The following PDE4C variants were observed in gnomAD, a reference collection of about 807,000 sequenced individuals.
The protein encoded by PDE4C is 3',5'-cyclic-AMP phosphodiesterase 4C.
A neutral mutation model predicts 63.9 loss-of-function variants in PDE4C; 50 were observed. That is an observed-to-expected ratio of 0.78 (90% CI 0.62 to 0.99). The LOEUF (loss-of-function observed/expected upper bound fraction) is 0.99. PDE4C is among the 50% of genes least tolerant of loss of function. The probability of loss-of-function intolerance (pLI) is 0.00; values close to 1 mark genes in which losing one functional copy is unlikely to be tolerated. For synonymous variants in PDE4C, 377 were observed against 385.1 expected, an observed-to-expected ratio of 0.98 and a Z score of 0.25; for missense variants, 777 against 899.1, an observed-to-expected ratio of 0.86 and a Z score of 1.74.
exon 10 of PDE4C, chr19:18,218,371 T>G (rs761441597): frequency 2.5e-6 from 4 of 1,614,244 alleles, no homozygotes; most frequent in Non-Finnish European, 3.4e-6. Context: ...ATGCGTGGAC[T>G]GGGCCACGTC....
At chr19:18,213,630 C>A in intron 12 of PDE4C, 140 bp from the exon 13 acceptor site, 1 of 947,216 alleles carries the variant, frequency 1.1e-6, no homozygotes. Flanking sequence ...AAGGATGCAA[C>A]TGCATTCACT....
upstream of PDE4C, among the ~76,000 whole-genome samples, chr19:18,230,887 C>A (rs540139411): frequency 6.6e-6 from 1 of 152,294 alleles, no homozygotes; most frequent in Admixed American, 6.5e-5. Flanking sequence ...CAACACAGGG[C>A]CTGCCACCCA....
At chr19:18,219,721 G>T in intron 7 of PDE4C, 1 of 260,320 alleles carries the variant, frequency 3.8e-6, no homozygotes, top group Non-Finnish European at 7.4e-6. Context: ...CTACTCAGGA[G>T]GCTGAGGTGG....
At chr19:18,224,205 A>C (rs973744638) in intron 1 of PDE4C, 9 of 985,448 alleles carry the variant, frequency 9.1e-6, no homozygotes, top group Non-Finnish European at 1.1e-5. Flanking sequence ...GGCGTAGGGC[A>C]AGAACTGGGG....
intron 1 of PDE4C, among the ~76,000 whole-genome samples, chr19:18,242,386 T>C (rs1291178173): frequency 7.0e-6 from 1 of 143,124 alleles, no homozygotes; most frequent in Non-Finnish European, 1.5e-5. Flanking sequence ...TGAGGGAAGA[T>C]AATTGTTTAT....
In PDE4C at chr19:18,220,875, T is replaced by G. The variant is rs774492181; in HGVS notation, c.498A>C (p.Ala166=). 6.2e-7 allele frequency: 1 copy of G among 1,608,298 alleles called. No individual in the cohort carries two copies. The highest frequency in any genetic ancestry group is 1.7e-5 in the Admixed American group (1 of 58,934). Residue 166 remains alanine, a splice_region_variant and synonymous_variant, in exon 5 of 15, where the codon GCA becomes GCC. Transcript: ENST00000262805. The surrounding 1 kb of genome is among the most constrained non-coding windows in gnomAD (Gnocchi z 5.1). ...GGAGGGAAGGAACAGGTACTTTACC[T>G]GCAGGAGGGAGCTGATTGCTGGATG...
chr19:18,227,014 A>G (rs1205931938), upstream of PDE4C, among the ~76,000 whole-genome samples: 1 of 152,064 alleles, frequency 6.6e-6, no homozygotes, highest in Non-Finnish European at 1.5e-5. Flanking sequence ...AATAACTGCT[A>G]AAAAGTGTAG....
rs184973874 is a variant in PDE4C at position 18,213,262 on chromosome 19, C to G, written c.1512+106G>C. The G allele has an allele frequency of 1.5e-5, 15 of 1,030,482 alleles. No individual in the cohort carries two copies. In the African/African-American group the frequency reaches 1.5e-4, roughly 10 times the overall value. 63.8% of individuals were successfully genotyped at this position (1,030,482 alleles called of 1,614,324 possible). A position where few individuals can be genotyped will look rare whatever the true frequency, so the allele number is the denominator to read the frequency against. On this transcript the variant is annotated intron_variant, in intron 13 of 14. Transcript: ENST00000262805. ...TGGCGCCACTGCACTCCAGCCTGGG[C>G]GACAGAGTGAGACTCCGTCTCAATA... is the stretch of plus-strand genomic sequence containing the variant.
intron 1 of PDE4C, among the ~76,000 whole-genome samples, chr19:18,241,252 CTTGTTTTTTTTTT>C (rs1161378188): frequency 4.4e-5 from 5 of 114,488 alleles, no homozygotes; most frequent in Non-Finnish European, 8.7e-5. Context: ...TTTTTCTTCT[CTTGTTTTTTTTTT>C]TTTTTTTTTT....
chr19:18,215,826 C>A (rs989876377), intron 12 of PDE4C, among the ~76,000 whole-genome samples: 2 of 140,922 alleles, frequency 1.4e-5, no homozygotes, highest in African/African-American at 5.2e-5. Context: ...TAATTTTTTT[C>A]TTTTCTTTTT....
At chr19:18,224,069 C>T (rs1257022486) in intron 1 of PDE4C, among the ~76,000 whole-genome samples, 1 of 152,236 alleles carries the variant, frequency 6.6e-6, no homozygotes, top group African/African-American at 2.4e-5. Flanking sequence ...ACCTCCGGGT[C>T]TTTGCACAGG....
chr19:18,213,891 T>C (rs1245415236), intron 12 of PDE4C, among the ~76,000 whole-genome samples: 1 of 152,192 alleles, frequency 6.6e-6, no homozygotes, highest in East Asian at 1.9e-4. Context: ...CCTCCAGATC[T>C]TTAGCCACGT....
In PDE4C at chr19:18,220,532, T is replaced by G. The variant is rs768344205; in HGVS notation, c.500-17A>C. The G allele has an allele frequency of 6.4e-7, 1 of 1,569,928 alleles. No individual in the cohort carries two copies. The highest frequency in any genetic ancestry group is 1.5e-5 in the African/African-American group (1 of 67,372). The stretch of plus-strand genomic sequence containing the variant: ...CCGTGTCCTCTGGGAGCCGAGGCAG[T>G]CAGGGGCCTGCCCAACCCCCCCGCT... On this transcript the variant is annotated splice_polypyrimidine_tract_variant and intron_variant, in intron 5 of 14. Coordinates refer to ENST00000262805, the Ensembl canonical transcript of PDE4C. This position sits in a 1 kb window ranked among gnomAD's most constrained non-coding sequence, Gnocchi z 5.1.
rs867109439 is a variant in PDE4C, at chr19:18,226,442, G to C, written c.-27C>G. The C allele has an allele frequency of 5.8e-6, 8 of 1,368,254 alleles. No individual in the cohort carries two copies. In the African/African-American group the frequency reaches 6.2e-5, roughly 11 times the overall value. The allele number at this position is 1,368,254 out of a possible 1,614,324, so 84.8% of individuals were successfully genotyped here. A position where few individuals can be genotyped will look rare whatever the true frequency, so the allele number is the denominator to read the frequency against. On this transcript the variant is annotated 5_prime_UTR_variant, in exon 1 of 15. Transcript: ENST00000262805. ...GCCAGGACTGCGTGGAGGCTGGACC[G>C]AGCGCCGGCTGCGCGGGACCTTTTC...
chr19:18,229,700 G>C (rs1325669855), upstream of PDE4C, among the ~76,000 whole-genome samples: 1 of 152,004 alleles, frequency 6.6e-6, no homozygotes, highest in African/African-American at 2.4e-5. Flanking sequence ...CGTGGAGAGG[G>C]GAGATGACTT....
At chr19:18,232,509 C>T (rs768156933) in intron 1 of PDE4C, among the ~76,000 whole-genome samples, 3 of 151,852 alleles carry the variant, frequency 2.0e-5, no homozygotes, top group Non-Finnish European at 2.9e-5. Flanking sequence ...TCCACAACCC[C>T]GAAAACCTTC....
chr19:18,226,338 G>A lies in PDE4C; in HGVS notation c.78C>T (p.Leu26=), dbSNP rs543223464. 81 of 1,533,134 alleles carry A rather than the reference G, an allele frequency of 5.3e-5. No homozygotes were observed. The South Asian group carries it at 9.0e-4, about 17-fold the overall frequency. The allele number at this position is 1,533,134 out of a possible 1,614,324, so 95.0% of individuals were successfully genotyped here. The change falls in exon 1 of 15, where the codon CTC becomes CTT. Residue 26 remains leucine (L), a synonymous_variant. Coordinates refer to ENST00000262805, the Ensembl canonical transcript of PDE4C. ...TCTGATTCACCAAAAGCTTCCTGAA[G>A]AGCCCGGGGGAGCCGCGCGGGGATC...
intron 12 of PDE4C, among the ~76,000 whole-genome samples, chr19:18,214,816 G>A (rs1163403513): frequency 6.6e-6 from 1 of 151,988 alleles, no homozygotes; most frequent in Non-Finnish European, 1.5e-5. Context: ...CGGGTGTGGT[G>A]GCAGGCACCT....
At chr19:18,218,495 G>T in exon 10 of PDE4C, 1 of 1,614,160 alleles carries the variant, frequency 6.2e-7, no homozygotes, top group Non-Finnish European at 8.5e-7. Context: ...AGCAGGTCCC[G>T]CTCCTGGTCC....
Sources: allele counts gnomAD v4.1 joint callset (sites outside exome capture counted in the v4.1 genomes callset), GRCh38; gene constraint gnomAD v4.1.1; non-coding constraint Gnocchi (gnomAD v3.1); transcripts MANE v1.5; gene names NCBI Gene and HGNC (gene_info 2026-07-23, HGNC 2026-07-21).